IFI16: variants seen among roughly 807,000 people sequenced by gnomAD.
IFI16 encodes interferon gamma inducible protein 16, also known as gamma-interferon-inducible protein 16.
IFI16 carries 49 observed loss-of-function variants against 68.4 expected under a neutral mutation model. The ratio of observed to expected loss-of-function variants is 0.72; its 90% CI spans 0.57 to 0.91. The LOEUF (loss-of-function observed/expected upper bound fraction) is 0.91. IFI16 is among the 40% of genes least tolerant of loss of function. The pLI is 0.00. For missense variants in IFI16, 878 were observed against 942.9 expected, an observed-to-expected ratio of 0.93 and a Z score of 0.90; for synonymous variants, 307 against 315.0, an observed-to-expected ratio of 0.97 and a Z score of 0.27.
intron 7 of IFI16, among the ~76,000 whole-genome samples, chr1:159,039,717 C>T (rs1654512174): frequency 6.6e-6 from 1 of 152,190 alleles, no homozygotes; most frequent in African/African-American, 2.4e-5. Context: ...AGGCCAGAAT[C>T]ACCCCAGTTG....
At chr1:159,046,903 A>G (rs1655022437) in intron 8 of IFI16, among the ~76,000 whole-genome samples, 1 of 151,416 alleles carries the variant, frequency 6.6e-6, no homozygotes, top group Non-Finnish European at 1.5e-5. Flanking sequence ...CAATAAATGT[A>G]GGTTATAGAT....
At chr1:159,019,242 G>A (rs1653134646) in intron 5 of IFI16, among the ~76,000 whole-genome samples, 1 of 141,428 alleles carries the variant, frequency 7.1e-6, no homozygotes, top group African/African-American at 3.0e-5. Flanking sequence ...ATCTAAATTT[G>A]TCATTTATAT....
intron 1 of IFI16, among the ~76,000 whole-genome samples, chr1:159,011,561 A>G (rs1194455880): frequency 6.6e-6 from 1 of 151,992 alleles, no homozygotes; most frequent in Non-Finnish European, 1.5e-5. Context: ...AGAAATATAT[A>G]CTAATTATAG....
Position 159,045,429 on chromosome 1 carries a change from C to G in IFI16, c.1462C>G (p.Pro488Ala). ...GAGCCATCCCCACACTCCTCAGATG[C>G]CTCCATCAACACCAAGCAGCAGTTT... ...AESHPHTPQM[P>A]PSTPSSSFLT... Residue 488 changes from proline (P) to alanine (A), a missense_variant, in exon 8 of 12, where the codon CCT (proline) becomes GCT (alanine). Around this residue, in one of 4 missense-constraint regions of IFI16, gnomAD observed 59 missense variants for 119.0 expected, o/e 0.50. Transcript: ENST00000295809. The G allele has an allele frequency of 8.9e-6, 14 of 1,576,416 alleles. No homozygotes were observed. Among genetic ancestry groups the G allele is most frequent in the Non-Finnish European group, 1.2e-5 (14 of 1,160,708 alleles).
chr1:159,034,507 TCGTTCA>T (rs1273989377), intron 7 of IFI16, among the ~76,000 whole-genome samples: 1 of 152,200 alleles, frequency 6.6e-6, no homozygotes, highest in Non-Finnish European at 1.5e-5. Context: ...TCCTTTCACT[TCGTTCA>T]TGACCACATT....
intron 8 of IFI16, 52 bp downstream of exon 8, chr1:159,045,516 G>C (rs1203085380): frequency 2.5e-6 from 4 of 1,594,986 alleles, no homozygotes; most frequent in Non-Finnish European, 2.6e-6. Context: ...GTAATGACAA[G>C]GATTAACACA....
At chr1:159,016,240 G>T (rs571268421) in intron 3 of IFI16, among the ~76,000 whole-genome samples, 13 of 152,192 alleles carry the variant, frequency 8.5e-5, no homozygotes, top group Non-Finnish European at 1.6e-4. Flanking sequence ...GTCAACGTGA[G>T]AATCAGGTAA....
At position 159,018,634 on chromosome 1, in the gene IFI16, G is replaced by A. The variant is rs373457224; in HGVS notation, c.955G>A (p.Val319Ile). Residue 319 changes from valine to isoleucine, a missense_variant, in exon 5 of 12, where the codon GTA becomes ATA. Coordinates refer to ENST00000295809, the MANE Select transcript of IFI16 (RefSeq NM_001376587.1). ...KQASGNIVYG[V>I]FMLHKKTVNQ... The stretch of plus-strand genomic sequence containing the variant: ...AGCTTCAGGAAATATTGTATATGGG[G>A]TATTTATGCTACATAAGGTAAGTCC... 1.2e-6 allele frequency: 2 copies of A among 1,607,518 alleles called. No individual in the cohort carries two copies. The highest frequency in any genetic ancestry group is 1.7e-6 in the Non-Finnish European group (2 of 1,177,108).
chr1:159,024,745 T>C (rs1438128704), intron 6 of IFI16, among the ~76,000 whole-genome samples: 1 of 152,080 alleles, frequency 6.6e-6, no homozygotes, highest in Non-Finnish European at 1.5e-5. Context: ...AAGACAATGG[T>C]CTAAGGTGAG....
chr1:159,009,478 T>A (rs1652410213), upstream of IFI16, among the ~76,000 whole-genome samples: 1 of 152,170 alleles, frequency 6.6e-6, no homozygotes, highest in African/African-American at 2.4e-5. Context: ...CTCCTGCCAC[T>A]GCCACTCTGT....
intron 8 of IFI16, among the ~76,000 whole-genome samples, chr1:159,048,681 G>A (rs1275436208): frequency 2.0e-5 from 3 of 151,416 alleles, no homozygotes; most frequent in Non-Finnish European, 4.4e-5. Flanking sequence ...TTACTGAATG[G>A]CAAAACTGCT....
intron 4 of IFI16, among the ~76,000 whole-genome samples, chr1:159,017,926 C>T (rs1653036787): frequency 6.6e-6 from 1 of 152,200 alleles, no homozygotes; most frequent in Non-Finnish European, 1.5e-5. Flanking sequence ...TATTAAGTTA[C>T]TTCATGACAC....
chr1:159,038,879 G>A (rs1252661774), intron 7 of IFI16, among the ~76,000 whole-genome samples: 1 of 152,104 alleles, frequency 6.6e-6, no homozygotes, highest in Non-Finnish European at 1.5e-5. Context: ...TCCCGCCCCT[G>A]GAACTGTGCT....
chr1:159,006,882 A>G (rs1652280469), upstream of IFI16, among the ~76,000 whole-genome samples: 1 of 152,176 alleles, frequency 6.6e-6, no homozygotes, highest in Admixed American at 6.5e-5. Context: ...AACTTCTCCC[A>G]TCTTTTATGT....
At chr1:159,027,817 T>C (rs1291706865) in intron 6 of IFI16, among the ~76,000 whole-genome samples, 1 of 152,228 alleles carries the variant, frequency 6.6e-6, no homozygotes, top group Admixed American at 6.5e-5. Flanking sequence ...CATAGTTGCA[T>C]TGAATGATCT....
Position 159,045,339 on chromosome 1 carries a change from A to T in IFI16, c.1372A>T (p.Met458Leu). The stretch of plus-strand genomic sequence containing the variant: ...CTCCAAAATGAATGACTTCATGAGG[A>T]TGCAGATACTGAAGGAAGGGAGTCA... ...TISKMNDFMR[M>L]QILKEGSHFP... Residue 458 changes from methionine to leucine, a missense_variant, in exon 8 of 12, where the codon ATG becomes TTG. By Grantham distance (15) the Met-to-Leu change is conservative (BLOSUM62 2). Coordinates refer to ENST00000295809, the MANE Select transcript of IFI16 (RefSeq NM_001376587.1). 1 of 1,508,158 alleles carries T rather than the reference A, an allele frequency of 6.6e-7. No individual in the cohort carries two copies. The highest frequency in any genetic ancestry group is 9.2e-7 in the Non-Finnish European group (1 of 1,090,840). 93.4% of individuals were successfully genotyped at this position (1,508,158 alleles called of 1,614,324 possible).
Position 159,018,581 on chromosome 1 carries a change from C to G in IFI16, c.902C>G (p.Thr301Ser), listed in dbSNP as rs1653094270. The change falls in exon 5 of 12, where the codon ACT becomes AGT. Residue 301 changes from threonine (T) to serine (S), a missense_variant. Transcript: ENST00000295809. ...PNKIINRAKE[T>S]LKIDILHKQA... ...AAAATCATCAACAGAGCAAAGGAAA[C>G]TCTGAAGATTGATATTCTTCACAAA... 3 of 1,613,626 alleles carry G rather than the reference C, an allele frequency of 1.9e-6. No homozygotes were observed. Among genetic ancestry groups the G allele is most frequent in the Non-Finnish European group, 2.5e-6 (3 of 1,179,556 alleles).
At position 159,049,570 on chromosome 1, in the gene IFI16, T is replaced by C. The variant is rs1557882394; in HGVS notation, c.1636T>C (p.Ser546Pro). 6 of 1,597,208 alleles carry C rather than the reference T, an allele frequency of 3.8e-6. No homozygotes were observed. The highest frequency in any genetic ancestry group is 3.4e-6 in the Non-Finnish European group (4 of 1,173,560). The change falls in exon 9 of 12, where the codon TCA becomes CCA. Residue 546 changes from serine to proline, a missense_variant. Coordinates refer to ENST00000295809, the MANE Select transcript of IFI16 (RefSeq NM_001376587.1). ...TCCCCACACTCCTCAGATGCCTCCA[T>C]CAACACCAAGCAGCAGTTTCTTAAC... ...SHPHTPQMPP[S>P]TPSSSFLTTL...
chr1:159,021,431 GT>G (rs1653308028), intron 6 of IFI16, among the ~76,000 whole-genome samples: 1 of 152,168 alleles, frequency 6.6e-6, no homozygotes, highest in Non-Finnish European at 1.5e-5. Context: ...CCGTTATTTT[GT>G]TCCTTTTTAT....
Sources: gnomAD v4.1 joint callset for allele counts (sites outside exome capture counted in the v4.1 genomes callset) on GRCh38, gnomAD v4.1.1 for gene constraint, gnomAD v4.1.1 regional missense constraint, MANE v1.5 for transcripts, NCBI Gene and HGNC (gene_info 2026-07-23, HGNC 2026-07-21) for gene names.